AGBL1: variants seen among roughly 807,000 people sequenced by gnomAD.
AGBL1 encodes cytosolic carboxypeptidase 4.
Under a neutral mutation model 118.9 loss-of-function variants are expected in AGBL1, and 130 were observed. The observed-to-expected ratio is 1.09, with a 90% CI of 0.95 to 1.26. The LOEUF (loss-of-function observed/expected upper bound fraction) is 1.26. AGBL1 is among the 50% of genes most tolerant of loss of function. The pLI is 0.00. For missense variants in AGBL1, 1,584 were observed against 1,298.1 expected, an observed-to-expected ratio of 1.22 and a Z score of -3.38; for synonymous variants, 555 against 478.9, an observed-to-expected ratio of 1.16 and a Z score of -2.08.
intron 17 of AGBL1, among the ~76,000 whole-genome samples, chr15:86,349,761 A>G (rs1007850382): frequency 6.6e-6 from 1 of 152,210 alleles, no homozygotes; most frequent in African/African-American, 2.4e-5. Flanking sequence ...GTCTGTGTAA[A>G]TCCTGTCAAC....
At chr15:86,818,340 A>G (rs888370312) in intron 22 of AGBL1, among the ~76,000 whole-genome samples, 30 of 152,000 alleles carry the variant, frequency 2.0e-4, no homozygotes, top group African/African-American at 6.8e-4. Context: ...GACCAGCTGA[A>G]CTCCACCTCC....
At chr15:86,276,908 G>T (rs1405306473) in intron 15 of AGBL1, among the ~76,000 whole-genome samples, 3 of 152,150 alleles carry the variant, frequency 2.0e-5, no homozygotes, top group African/African-American at 7.2e-5. Context: ...TCACTTTAGA[G>T]ATTTATCAAA....
At chr15:86,640,214 A>G (rs1411572317) in intron 21 of AGBL1, among the ~76,000 whole-genome samples, 2 of 152,184 alleles carry the variant, frequency 1.3e-5, no homozygotes, top group Non-Finnish European at 2.9e-5. Context: ...AACAAAATAG[A>G]CAAATTCCTT....
intron 18 of AGBL1, among the ~76,000 whole-genome samples, chr15:86,473,693 T>C (rs571201797): frequency 6.6e-6 from 1 of 152,364 alleles, no homozygotes; most frequent in East Asian, 1.9e-4. Flanking sequence ...ATTTATTTGA[T>C]CTTAATAATT....
chr15:86,696,597 G>A (rs543862542), intron 22 of AGBL1, among the ~76,000 whole-genome samples: 1 of 151,798 alleles, frequency 6.6e-6, no homozygotes, highest in African/African-American at 2.4e-5. Context: ...TCCAATGTTA[G>A]TATTGAGATG....
Position 86,669,518 on chromosome 15 carries a change from T to A in AGBL1, c.2995-4755T>A, listed in dbSNP as rs146993946. 6.4e-4 allele frequency among the ~76,000 whole-genome samples: 97 copies of A among 152,276 alleles called. 1 individual carries two copies. In the South Asian group the frequency reaches 8.7e-3, roughly 14 times the overall value. On this transcript the variant is annotated intron_variant, in intron 21 of 22. Transcript: ENST00000614907. ...AGGCAATATTCAAAAAGATCATGGA[T>A]GACATTTTTCTAGAATTATTGAAAA...
chr15:86,172,447 G>A (rs1004183464), intron 5 of AGBL1, among the ~76,000 whole-genome samples: 2 of 152,170 alleles, frequency 1.3e-5, no homozygotes, highest in South Asian at 2.1e-4. Flanking sequence ...TTGAACACTG[G>A]AATCTATTCC....
intron 23 of AGBL1, among the ~76,000 whole-genome samples, chr15:86,950,905 AT>A (rs1444518805): frequency 1.3e-5 from 2 of 152,196 alleles, no homozygotes; most frequent in East Asian, 1.9e-4. Flanking sequence ...AAATAAAAAA[AT>A]AAAATAAAAA....
At chr15:86,287,489 T>C (rs1405491739) in intron 16 of AGBL1, among the ~76,000 whole-genome samples, 1 of 152,206 alleles carries the variant, frequency 6.6e-6, no homozygotes, top group Non-Finnish European at 1.5e-5. Flanking sequence ...GTTTCAGGTT[T>C]TATGCTTAGG....
chr15:86,743,285 G>A (rs1451154713), intron 22 of AGBL1, among the ~76,000 whole-genome samples: 1 of 152,098 alleles, frequency 6.6e-6, no homozygotes, highest in African/African-American at 2.4e-5. Context: ...TATAATGGAA[G>A]GAAGGAAGAA....
chr15:86,817,650 C>CACAG (rs1555453407), intron 22 of AGBL1, among the ~76,000 whole-genome samples: 48 of 139,256 alleles, frequency 3.4e-4, no homozygotes, highest in Middle Eastern at 7.2e-3. Context: ...CACACACAGA[C>CACAG]ACACACACAC....
At chr15:86,502,174 CTAAG>C (rs1399019579) in intron 18 of AGBL1, among the ~76,000 whole-genome samples, 1 of 151,266 alleles carries the variant, frequency 6.6e-6, no homozygotes, top group East Asian at 1.9e-4. Context: ...AAATTTATTC[CTAAG>C]TATTTTATTC....
At chr15:86,977,038 A>G (rs1296953493) in intron 23 of AGBL1, among the ~76,000 whole-genome samples, 3 of 151,966 alleles carry the variant, frequency 2.0e-5, no homozygotes, top group Admixed American at 6.6e-5. Context: ...ATTTTAATAT[A>G]GTGAAAGTTA....
intron 22 of AGBL1, among the ~76,000 whole-genome samples, chr15:86,793,029 T>C (rs1253594980): frequency 6.6e-6 from 1 of 152,096 alleles, no homozygotes; most frequent in Non-Finnish European, 1.5e-5. Context: ...ATAGTAACCG[T>C]AGTTAATATT....
chr15:86,736,633 A>C (rs146080128), intron 22 of AGBL1, among the ~76,000 whole-genome samples: 36 of 152,242 alleles, frequency 2.4e-4, no homozygotes, highest in Non-Finnish European at 4.6e-4. Context: ...ATATTGTGAA[A>C]CAATTTGGCT....
At chr15:86,323,785 A>C (rs1467775214) in intron 17 of AGBL1, among the ~76,000 whole-genome samples, 1 of 152,186 alleles carries the variant, frequency 6.6e-6, no homozygotes, top group Non-Finnish European at 1.5e-5. Context: ...CTTTTACCCT[A>C]CTAAGGTCAT....
intron 22 of AGBL1, among the ~76,000 whole-genome samples, chr15:86,807,894 C>CCATTCCACCCTCCAGTTAGAGG (rs1429555281): frequency 3.3e-5 from 5 of 152,090 alleles, no homozygotes; most frequent in African/African-American, 1.2e-4. Flanking sequence ...TATGTTCCAC[C>CCATTCCACCCTCCAGTTAGAGG]CATTCCACCC....
intron 23 of AGBL1, among the ~76,000 whole-genome samples, chr15:86,973,269 C>G (rs72757455): frequency 0.04 from 6,094 of 152,102 alleles, 154 homozygotes; most frequent in Middle Eastern, 0.068. Context: ...GACATGTGAA[C>G]AGTATCATCT....
intron 17 of AGBL1, among the ~76,000 whole-genome samples, chr15:86,321,489 C>G (rs2080104355): frequency 6.6e-6 from 1 of 152,022 alleles, no homozygotes; most frequent in Admixed American, 6.5e-5. Flanking sequence ...TTCAGAGAGG[C>G]CGGGTGCAGT....
Sources: allele counts gnomAD v4.1 joint callset (sites outside exome capture counted in the v4.1 genomes callset), GRCh38; gene constraint gnomAD v4.1.1; transcripts MANE v1.5; gene names NCBI Gene and HGNC (gene_info 2026-07-23, HGNC 2026-07-21).